The following ASTN2 variants were observed in gnomAD, a reference collection of about 807,000 sequenced individuals.
ASTN2 encodes the protein astrotactin 2.
Under a neutral mutation model 139.8 loss-of-function variants are expected in ASTN2, and 54 were observed. The observed-to-expected ratio is 0.39, with a 90% CI of 0.31 to 0.48. ASTN2 has a LOEUF of 0.48. Among genes scored for constraint, ASTN2 ranks in the 20% least tolerant of loss-of-function variants. The pLI, the probability that ASTN2 is intolerant of heterozygous loss-of-function variation, is 0.95. For synonymous variants in ASTN2, 756 were observed against 719.5 expected, an observed-to-expected ratio of 1.05 and a Z score of -0.81; for missense variants, 1,565 against 1,725.1, an observed-to-expected ratio of 0.91 and a Z score of 1.64.
Position 116,820,617 on chromosome 9 carries a change from C to G in ASTN2, c.2207G>C (p.Gly736Ala). The change falls in exon 12 of 23, where the codon GGT becomes GCT. Residue 736 changes from glycine to alanine, a missense_variant and splice_region_variant. Gly to Ala is a moderately conservative substitution (Grantham distance 60). Around this residue, in one of 4 missense-constraint regions of ASTN2, gnomAD observed 503 missense variants for 591.7 expected, o/e 0.85. Transcript: ENST00000313400. ...ATSSTIFMFC[G>A]CVEEYKLAPD... ...CTGGGCCTTGGGGACAGAGACTCAC[C>G]CGCAGAACATGAAGATGGTGCTCGA... 1 of 1,613,262 alleles carries G rather than the reference C, an allele frequency of 6.2e-7. No homozygotes were observed. The highest frequency in any genetic ancestry group is 8.5e-7 in the Non-Finnish European group (1 of 1,179,518).
chr9:116,990,276 G>C (rs182566713), intron 7 of ASTN2, among the ~76,000 whole-genome samples: 2 of 152,188 alleles, frequency 1.3e-5, no homozygotes, highest in Non-Finnish European at 2.9e-5. Flanking sequence ...TTGTTTGTTT[G>C]TTTGCTTTTA....
At chr9:116,860,550 A>G (rs1285548941) in intron 11 of ASTN2, among the ~76,000 whole-genome samples, 1 of 152,240 alleles carries the variant, frequency 6.6e-6, no homozygotes, top group Non-Finnish European at 1.5e-5. Flanking sequence ...TGGTCATTCT[A>G]ATGCCTAAAT....
intron 13 of ASTN2, among the ~76,000 whole-genome samples, chr9:116,755,490 C>CAG (rs1289718543): frequency 1.3e-5 from 2 of 152,230 alleles, no homozygotes; most frequent in African/African-American, 4.8e-5. Context: ...GGTGATCACA[C>CAG]AGAGAAAAGG....
intron 16 of ASTN2, among the ~76,000 whole-genome samples, chr9:116,676,843 T>C (rs1357639534): frequency 6.6e-6 from 1 of 152,216 alleles, no homozygotes; most frequent in Non-Finnish European, 1.5e-5. Context: ...ACTGAGGTTT[T>C]TCCCCCCATG....
chr9:116,815,178 G>A (rs1021161121), intron 12 of ASTN2, among the ~76,000 whole-genome samples: 2 of 152,238 alleles, frequency 1.3e-5, no homozygotes, highest in African/African-American at 2.4e-5. Context: ...CTGTTCTGTC[G>A]TTCAGTGTTT....
At chr9:116,473,061 T>C (rs1398097388) in intron 20 of ASTN2, among the ~76,000 whole-genome samples, 1 of 152,140 alleles carries the variant, frequency 6.6e-6, no homozygotes, top group Non-Finnish European at 1.5e-5. Flanking sequence ...GGGTACCATA[T>C]TATTAAGGTT....
In ASTN2 at chr9:116,517,203, C is replaced by T. The variant is rs143421803; in HGVS notation, c.3356-29703G>A. ...GTGTCACCTCCTGGCTGGAAGCCAA[C>T]GAATACAAACCAGCACACTAAACAA... is the stretch of plus-strand genomic sequence containing the variant. On this transcript the variant is annotated intron_variant, in intron 19 of 22. Coordinates refer to ENST00000313400, the MANE Select transcript of ASTN2 (RefSeq NM_001365068.1). Among the ~76,000 whole-genome samples, 40 of 152,330 alleles carry T rather than the reference C, an allele frequency of 2.6e-4. No homozygotes were observed. The South Asian group carries it at 3.9e-3, about 15-fold the overall frequency.
At chr9:117,368,618 C>T (rs1231915933) in intron 1 of ASTN2, among the ~76,000 whole-genome samples, 2 of 152,162 alleles carry the variant, frequency 1.3e-5, no homozygotes, top group East Asian at 3.9e-4. Flanking sequence ...TAATCTTGTA[C>T]TGAAAGGTGA....
chr9:116,545,907 G>A (rs965053869), intron 19 of ASTN2: 1 of 152,160 alleles, frequency 6.6e-6, no homozygotes, highest in Non-Finnish European at 1.5e-5. Context: ...AACAATGTGA[G>A]AACTGATGAT....
intron 2 of ASTN2, among the ~76,000 whole-genome samples, chr9:117,232,271 T>C (rs575756684): frequency 6.6e-6 from 1 of 152,188 alleles, no homozygotes; most frequent in South Asian, 2.1e-4. Flanking sequence ...TAGGAAATGT[T>C]TCTTCTTTAT....
intron 10 of ASTN2, among the ~76,000 whole-genome samples, chr9:116,890,454 C>T (rs1352647357): frequency 6.6e-6 from 1 of 152,180 alleles, no homozygotes; most frequent in Non-Finnish European, 1.5e-5. Flanking sequence ...CCCATTTCCC[C>T]ACCATTGTAG....
chr9:117,232,954 G>C (rs1047337818), intron 2 of ASTN2, among the ~76,000 whole-genome samples: 4 of 150,198 alleles, frequency 2.7e-5, no homozygotes, highest in Non-Finnish European at 4.4e-5. Context: ...CTTTCAATCT[G>C]TTGTTCCTTC....
chr9:117,052,045 G>A (rs1331389170), intron 5 of ASTN2, among the ~76,000 whole-genome samples: 1 of 152,110 alleles, frequency 6.6e-6, no homozygotes, highest in Non-Finnish European at 1.5e-5. Context: ...GAGAAACTTA[G>A]GTTCAAATCT....
intron 19 of ASTN2, chr9:116,586,362 T>C (rs1003993004): frequency 1.4e-4 from 21 of 152,334 alleles, no homozygotes; most frequent in African/African-American, 4.8e-4. Context: ...TGGAGCACTA[T>C]TCACAATAAC....
intron 11 of ASTN2, among the ~76,000 whole-genome samples, chr9:116,826,835 GT>G (rs1831642840): frequency 6.6e-6 from 1 of 152,156 alleles, no homozygotes; most frequent in South Asian, 2.1e-4. Flanking sequence ...GGCTCACTTT[GT>G]ATTCAAGGTC....
At chr9:116,535,697 G>A (rs191873159) in intron 19 of ASTN2, among the ~76,000 whole-genome samples, 6 of 152,170 alleles carry the variant, frequency 3.9e-5, no homozygotes, top group African/African-American at 7.2e-5. Flanking sequence ...CACTCTCTTC[G>A]GCTTGTAGAG....
intron 11 of ASTN2, among the ~76,000 whole-genome samples, chr9:116,850,182 C>G (rs749701106): frequency 6.6e-6 from 1 of 152,164 alleles, no homozygotes; most frequent in Non-Finnish European, 1.5e-5. Flanking sequence ...ACTAACCACC[C>G]AGTCCAGGGC....
intron 10 of ASTN2, among the ~76,000 whole-genome samples, chr9:116,930,113 G>T (rs1039257068): frequency 6.6e-6 from 1 of 152,206 alleles, no homozygotes; most frequent in African/African-American, 2.4e-5. Flanking sequence ...GATGAGTGGG[G>T]AAGGGGATGG....
intron 1 of ASTN2, among the ~76,000 whole-genome samples, chr9:117,409,910 C>T (rs892198710): frequency 6.6e-6 from 1 of 152,210 alleles, no homozygotes. Context: ...AACAAGTTGG[C>T]ATTTCAAACC....
Sources: gnomAD v4.1 joint callset for allele counts (sites outside exome capture counted in the v4.1 genomes callset) on GRCh38, gnomAD v4.1.1 for gene constraint, gnomAD v4.1.1 regional missense constraint, MANE v1.5 for transcripts, NCBI Gene and HGNC (gene_info 2026-07-23, HGNC 2026-07-21) for gene names.